Variants in KMT2C observed in about 807,000 individuals in gnomAD.
KMT2C encodes lysine methyltransferase 2C, also known as histone-lysine N-methyltransferase 2C.
In KMT2C, 88 loss-of-function variants were observed where a neutral mutation model predicts 507.9. The observed-to-expected ratio is 0.17, with a 90% CI of 0.15 to 0.21. The LOEUF is 0.21. Among genes scored for constraint, KMT2C ranks in the 10% least tolerant of loss-of-function variants. KMT2C has a pLI of 1.00. For synonymous variants in KMT2C, 2,049 were observed against 2,080.8 expected, an observed-to-expected ratio of 0.98 and a Z score of 0.42; for missense variants, 4,954 against 5,957.8, an observed-to-expected ratio of 0.83 and a Z score of 5.55.
At chr7:152,399,672 A>G (rs534308720) in intron 1 of KMT2C, among the ~76,000 whole-genome samples, 2 of 152,282 alleles carry the variant, frequency 1.3e-5, no homozygotes, top group Non-Finnish European at 2.9e-5. Flanking sequence ...TACAATATAA[A>G]TGAGACTAAG....
chr7:152,156,353 G>A lies in KMT2C; in HGVS notation c.11671-7C>T. 2 of 1,613,236 alleles carry A rather than the reference G, an allele frequency of 1.2e-6. No homozygotes were observed. Among genetic ancestry groups the A allele is most frequent in the Non-Finnish European group, 1.7e-6 (2 of 1,179,636 alleles). ...GATTACTTAAATTATTCTGCTGCAG[G>A]AGACCAAAAAATTTAAATTATATGC... On this transcript the variant is annotated splice_region_variant and splice_polypyrimidine_tract_variant and intron_variant, in intron 44 of 58. Transcript: ENST00000262189.
intron 25 of KMT2C, among the ~76,000 whole-genome samples, chr7:152,203,632 G>T (rs1286266367): frequency 6.6e-6 from 1 of 152,078 alleles, no homozygotes; most frequent in Non-Finnish European, 1.5e-5. Context: ...TGGGGACTAT[G>T]AAACTAGCAA....
intron 6 of KMT2C, among the ~76,000 whole-genome samples, chr7:152,296,199 C>T (rs937556970): frequency 1.3e-4 from 19 of 151,394 alleles, no homozygotes; most frequent in Non-Finnish European, 2.2e-4. Context: ...GAGGCTGAGG[C>T]GGGCGGGTCA....
intron 1 of KMT2C, among the ~76,000 whole-genome samples, chr7:152,374,083 C>T (rs1285115098): frequency 1.3e-5 from 2 of 151,910 alleles, no homozygotes; most frequent in Admixed American, 6.6e-5. Flanking sequence ...GAGGCCAAAG[C>T]GGGCAGATCA....
In KMT2C at chr7:152,295,086, C is replaced by T. The variant is rs186552272; in HGVS notation, c.849+14880G>A. ...TTGAAAAAAAAGACATCTGCAGTTC[C>T]TCCATCTAATTTATAAAGAATCAAA... On this transcript the variant is annotated intron_variant, in intron 6 of 58. Coordinates refer to ENST00000262189, the MANE Select transcript of KMT2C (RefSeq NM_170606.3). 2.1e-3 allele frequency among the ~76,000 whole-genome samples: 324 copies of T among 152,166 alleles called. 4 individuals are homozygous for T. The highest frequency in any genetic ancestry group is 0.01 in the Middle Eastern group (3 of 294).
intron 49 of KMT2C, 83 bp downstream of exon 49, chr7:152,152,622 A>G (rs1292451566): frequency 1.4e-5 from 22 of 1,518,644 alleles, no homozygotes; most frequent in Non-Finnish European, 2.0e-5. Flanking sequence ...TCCGTTGTTA[A>G]AAGATAATCA....
intron 1 of KMT2C, among the ~76,000 whole-genome samples, chr7:152,388,801 T>C (rs1589663323): frequency 6.6e-6 from 1 of 152,236 alleles, no homozygotes; most frequent in Non-Finnish European, 1.5e-5. Flanking sequence ...CAGGCTGGAG[T>C]GCAATGGCGT....
chr7:152,417,603 T>C (rs757834645), intron 1 of KMT2C, among the ~76,000 whole-genome samples: 46 of 152,310 alleles, frequency 3.0e-4, no homozygotes, highest in Non-Finnish European at 5.1e-4. Context: ...TTAGAGCCTA[T>C]ATGCTTCTGA....
chr7:152,146,744 G>A lies in KMT2C; in HGVS notation c.13895-9C>T. Reference sequence around the variant, plus strand: ...AATCTTATCCCAGACACCTACACAGGGACAAAAACATAATTTTTATAGGAA... The same window carrying A: ...AATCTTATCCCAGACACCTACACAGAGACAAAAACATAATTTTTATAGGAA... On this transcript the variant is annotated splice_polypyrimidine_tract_variant and intron_variant, in intron 52 of 58. Coordinates refer to ENST00000262189, the MANE Select transcript of KMT2C (RefSeq NM_170606.3). 1.9e-6 allele frequency: 3 copies of A among 1,611,072 alleles called. No homozygotes were observed. The highest frequency in any genetic ancestry group is 1.1e-5 in the South Asian group (1 of 90,904).
intron 6 of KMT2C, among the ~76,000 whole-genome samples, chr7:152,308,770 T>A (rs1316205905): frequency 6.8e-6 from 1 of 146,784 alleles, no homozygotes; most frequent in Non-Finnish European, 1.5e-5. Context: ...GAAGAGAGGA[T>A]CCCTTGGGTC....
At position 152,207,399 on chromosome 7, in the gene KMT2C, A is replaced by C. The variant is rs1381686871; in HGVS notation, c.3742T>G (p.Ser1248Ala). 6.2e-7 allele frequency: 1 copy of C among 1,608,020 alleles called. No individual in the cohort carries two copies. ...EGELMDCDGKSESSPEREAVD... is the reference protein window; with the variant it reads ...EGELMDCDGKAESSPEREAVD... ...GCTTCCCGCTCAGGACTAGATTCTGATTTTCCATCACAATCCATAAGTTCT... is the reference window on the plus strand; with the variant it reads ...GCTTCCCGCTCAGGACTAGATTCTGCTTTTCCATCACAATCCATAAGTTCT... The change falls in exon 24 of 59, where the codon TCA becomes GCA. Residue 1248 changes from serine to alanine, a missense_variant. Physicochemically the swap from Ser to Ala is moderately conservative, Grantham distance 99. Transcript: ENST00000262189.
chr7:152,317,233 TTA>T (rs2096730179), intron 3 of KMT2C, among the ~76,000 whole-genome samples: 1 of 152,206 alleles, frequency 6.6e-6, no homozygotes, highest in Admixed American at 6.5e-5. Context: ...GAAAATACTT[TTA>T]GAGAAGTACT....
At chr7:152,432,043 G>C (rs2097867084) in intron 1 of KMT2C, among the ~76,000 whole-genome samples, 3 of 152,086 alleles carry the variant, frequency 2.0e-5, no homozygotes, top group African/African-American at 7.2e-5. Context: ...ACAATCACTG[G>C]TTGTGCCTAA....
At chr7:152,328,756 A>G (rs971609980) in intron 3 of KMT2C, among the ~76,000 whole-genome samples, 2 of 152,186 alleles carry the variant, frequency 1.3e-5, no homozygotes, top group African/African-American at 2.4e-5. Flanking sequence ...AGGCAAGTTA[A>G]GACACTAACA....
chr7:152,432,799 G>A (rs1233302611), intron 1 of KMT2C, among the ~76,000 whole-genome samples: 1 of 152,112 alleles, frequency 6.6e-6, no homozygotes. Context: ...TGTAATTGGT[G>A]GTGCATGTTT....
In KMT2C at chr7:152,309,180, A is replaced by C. The variant is rs560976697; in HGVS notation, c.849+786T>G. On this transcript the variant is annotated intron_variant, in intron 6 of 58. Transcript: ENST00000262189. ...AATAGTTTTGTCTTAAAAAGTTACC[A>C]CATGAATGTATAAGCATAGTGCAAA... Among the ~76,000 whole-genome samples the C allele has an allele frequency of 4.3e-4, 66 of 152,280 alleles. 1 individual carries two copies. Among genetic ancestry groups the C allele is most frequent in the Admixed American group, 1.9e-3 (29 of 15,292 alleles).
rs543923177 is a variant in KMT2C at position 152,176,403 on chromosome 7, G to T, written c.9050C>A (p.Thr3017Lys). 262 of 1,614,140 alleles carry T rather than the reference G, an allele frequency of 1.6e-4. No homozygotes were observed. The South Asian group carries it at 2.8e-3, about 17-fold the overall frequency. The stretch of plus-strand genomic sequence containing the variant: ...CATGCTACTGGTACCAGACTGACTT[G>T]TTTGAGGCCCAGTTTGAGTTGCAGG... ...GKPATQTGPQ[T>K]SQSGTSSMSG... The change falls in exon 38 of 59, where the codon ACA (threonine) becomes AAA (lysine). Residue 3017 changes from threonine to lysine, a missense_variant. Thr to Lys is a moderately conservative substitution (Grantham distance 78). Transcript: ENST00000262189.
rs2129106606 is a variant in KMT2C, at chr7:152,167,285, G to A, written c.9611C>T (p.Ala3204Val). 6.2e-7 allele frequency: 1 copy of A among 1,614,002 alleles called. No individual in the cohort carries two copies. The highest frequency in any genetic ancestry group is 2.2e-5 in the East Asian group (1 of 44,880). ...QQKYLEEQIG[A>V]HRKSKKALSA... is the part of the protein sequence containing the mutation. ...AAGGGCCTTCTTAGATTTTCTGTGA[G>A]CACCAATTTGTTCTTCAAGATACTT... The change falls in exon 42 of 59, where the codon GCT (alanine) becomes GTT (valine). Residue 3204 changes from alanine to valine, a missense_variant. Physicochemically the swap from Ala to Val is moderately conservative, Grantham distance 64 (BLOSUM62 0). Coordinates refer to ENST00000262189, the MANE Select transcript of KMT2C (RefSeq NM_170606.3).
At chr7:152,288,461 G>A (rs1377019022) in intron 6 of KMT2C, among the ~76,000 whole-genome samples, 1 of 151,860 alleles carries the variant, frequency 6.6e-6, no homozygotes, top group Non-Finnish European at 1.5e-5. Context: ...TTAGACCCAG[G>A]GGCGGAGTTT....
Sources: gnomAD v4.1 joint callset for allele counts (sites outside exome capture counted in the v4.1 genomes callset) on GRCh38, gnomAD v4.1.1 for gene constraint, MANE v1.5 for transcripts, NCBI Gene and HGNC (gene_info 2026-07-23, HGNC 2026-07-21) for gene names.